The following SLC9A9 variants were observed in gnomAD, a reference collection of about 807,000 sequenced individuals.
The protein encoded by SLC9A9 is sodium/hydrogen exchanger 9.
SLC9A9 carries 62 observed loss-of-function variants against 77.8 expected under a neutral mutation model. That is an observed-to-expected ratio of 0.80 (90% confidence interval 0.65 to 0.98). The LOEUF is 0.98. Among genes scored for constraint, SLC9A9 ranks in the 50% least tolerant of loss-of-function variants. SLC9A9 has a pLI of 0.00. For missense variants in SLC9A9, 775 were observed against 774.9 expected, an observed-to-expected ratio of 1.00 and a Z score of 0.00; for synonymous variants, 320 against 283.5, an observed-to-expected ratio of 1.13 and a Z score of -1.29.
intron 14 of SLC9A9, among the ~76,000 whole-genome samples, chr3:143,316,462 T>G (rs2031216578): frequency 6.6e-6 from 1 of 152,180 alleles, no homozygotes; most frequent in African/African-American, 2.4e-5. Context: ...TATTACAAAT[T>G]TGGTGGCAAG....
intron 5 of SLC9A9, among the ~76,000 whole-genome samples, chr3:143,686,140 A>G (rs975702154): frequency 2.0e-5 from 3 of 152,110 alleles, no homozygotes; most frequent in African/African-American, 7.2e-5. Context: ...ACATTTCATA[A>G]TTGAAAAGAG....
In SLC9A9 at chr3:143,795,071, A is replaced by C; in HGVS notation, c.463T>G (p.Phe155Val). ...HAGYSLKKRH[F>V]FQNLGSILTY... ...AAAATAGATCCTAAGTTTTGAAAAA[A>C]GTGTCTCTGGGGAGAAAAAAAGATA... The change falls in exon 4 of 16, where the codon TTT becomes GTT. Residue 155 changes from phenylalanine to valine, a missense_variant. Phe to Val is a conservative substitution (Grantham distance 50). Transcript: ENST00000316549. 2 of 1,613,318 alleles carry C rather than the reference A, an allele frequency of 1.2e-6. No homozygotes were observed. Among genetic ancestry groups the C allele is most frequent in the Non-Finnish European group, 1.7e-6 (2 of 1,179,616 alleles).
chr3:143,725,846 C>A (rs1028224778), intron 4 of SLC9A9, among the ~76,000 whole-genome samples: 4 of 150,726 alleles, frequency 2.7e-5, no homozygotes, highest in Non-Finnish European at 5.9e-5. Context: ...TGTAACTAAC[C>A]TGCACATTGT....
chr3:143,451,286 G>A (rs1296916833), intron 12 of SLC9A9, among the ~76,000 whole-genome samples: 1 of 152,106 alleles, frequency 6.6e-6, no homozygotes, highest in Non-Finnish European at 1.5e-5. Flanking sequence ...TGCCTCTAAT[G>A]GGCAATTCCC....
intron 13 of SLC9A9, among the ~76,000 whole-genome samples, chr3:143,378,116 G>A (rs1439751976): frequency 6.6e-6 from 1 of 152,176 alleles, no homozygotes; most frequent in Non-Finnish European, 1.5e-5. Context: ...CTGTGATCAT[G>A]CTTTGAATGT....
rs986453131 is a variant in SLC9A9 at position 143,539,191 on chromosome 3, A to G, written c.1089+13171T>C. 3.3e-5 allele frequency among the ~76,000 whole-genome samples: 5 copies of G among 152,170 alleles called. No individual in the cohort carries two copies. In the South Asian group the frequency reaches 8.3e-4, roughly 25 times the overall value. ...CTGATTCCAATCAAGTCCTTTTTCA[A>G]TGTAACCCAGAGCAATTGTATTAAG... On this transcript the variant is annotated intron_variant, in intron 9 of 15. Transcript: ENST00000316549.
intron 9 of SLC9A9, among the ~76,000 whole-genome samples, chr3:143,547,619 C>A (rs1437496403): frequency 6.6e-6 from 1 of 152,226 alleles, no homozygotes; most frequent in African/African-American, 2.4e-5. Flanking sequence ...CACTCCATAC[C>A]AGCCACATTG....
chr3:143,410,597 TTTA>T (rs2034078069), intron 12 of SLC9A9, among the ~76,000 whole-genome samples: 1 of 152,226 alleles, frequency 6.6e-6, no homozygotes, highest in South Asian at 2.1e-4. Context: ...ATCTCAGGAC[TTTA>T]TTATATTGCT....
chr3:143,528,223 C>T (rs2036439778), intron 9 of SLC9A9, among the ~76,000 whole-genome samples: 1 of 152,172 alleles, frequency 6.6e-6, no homozygotes, highest in African/African-American at 2.4e-5. Context: ...TGACCTCAGT[C>T]AGGTTACTTT....
chr3:143,660,154 CTTAAAATAGGCAGA>C (rs972781186), intron 5 of SLC9A9, among the ~76,000 whole-genome samples: 1 of 152,184 alleles, frequency 6.6e-6, no homozygotes, highest in Admixed American at 6.5e-5. Flanking sequence ...AGTTATGGAT[CTTAAAATAGGCAGA>C]TCATGTTACA....
chr3:143,845,129 C>T (rs954811121), intron 1 of SLC9A9, among the ~76,000 whole-genome samples: 3 of 152,034 alleles, frequency 2.0e-5, no homozygotes, highest in Admixed American at 1.3e-4. Flanking sequence ...TTTTAAATAT[C>T]TTAGCATCTC....
intron 13 of SLC9A9, among the ~76,000 whole-genome samples, chr3:143,377,615 G>A (rs2033209135): frequency 6.6e-6 from 1 of 152,164 alleles, no homozygotes; most frequent in African/African-American, 2.4e-5. Context: ...AGGTAACGTC[G>A]AGAAACCATT....
intron 6 of SLC9A9, among the ~76,000 whole-genome samples, chr3:143,624,736 A>G (rs982793499): frequency 6.6e-6 from 1 of 152,230 alleles, no homozygotes; most frequent in Non-Finnish European, 1.5e-5. Context: ...TACCACTCCT[A>G]TTCAACAGAG....
intron 5 of SLC9A9, among the ~76,000 whole-genome samples, chr3:143,657,647 T>C (rs1242061): frequency 0.55 from 84,186 of 152,082 alleles, 23,419 homozygotes; most frequent in Non-Finnish European, 0.58. Context: ...AAGCAAGATA[T>C]GAGAATCCAG....
At chr3:143,679,145 A>G (rs1377956255) in intron 5 of SLC9A9, among the ~76,000 whole-genome samples, 2 of 152,170 alleles carry the variant, frequency 1.3e-5, no homozygotes, top group East Asian at 3.8e-4. Flanking sequence ...AAACAAACAA[A>G]CAAAAACTGT....
intron 12 of SLC9A9, among the ~76,000 whole-genome samples, chr3:143,397,008 G>A (rs1460911970): frequency 6.6e-6 from 1 of 151,914 alleles, no homozygotes; most frequent in African/African-American, 2.4e-5. Flanking sequence ...AGACACAAAT[G>A]CAGATCTACA....
chr3:143,545,418 T>C (rs1019773062), intron 9 of SLC9A9, among the ~76,000 whole-genome samples: 2 of 152,240 alleles, frequency 1.3e-5, no homozygotes, highest in African/African-American at 4.8e-5. Context: ...TTTGTGTGCA[T>C]GTGTATGTCT....
intron 12 of SLC9A9, among the ~76,000 whole-genome samples, chr3:143,454,607 T>C (rs184257508): frequency 6.6e-6 from 1 of 152,300 alleles, no homozygotes; most frequent in Non-Finnish European, 1.5e-5. Context: ...ACAACACCTA[T>C]TAGCTCCCAG....
chr3:143,450,521 A>G (rs2108555613), intron 12 of SLC9A9, among the ~76,000 whole-genome samples: 1 of 152,066 alleles, frequency 6.6e-6, no homozygotes, highest in African/African-American at 2.4e-5. Context: ...TTTTAAAATA[A>G]TTTTCTGGTT....
Sources: gnomAD v4.1 joint callset for allele counts (sites outside exome capture counted in the v4.1 genomes callset) on GRCh38, gnomAD v4.1.1 for gene constraint, MANE v1.5 for transcripts, NCBI Gene and HGNC (gene_info 2026-07-23, HGNC 2026-07-21) for gene names.